Variants in NT5DC3 observed in about 807,000 individuals in gnomAD.
NT5DC3 encodes the protein 5'-nucleotidase domain-containing protein 3.
Under a neutral mutation model 67.8 loss-of-function variants are expected in NT5DC3, and 42 were observed. The ratio of observed to expected loss-of-function variants is 0.62; its 90% CI spans 0.48 to 0.80. The LOEUF (loss-of-function observed/expected upper bound fraction) is 0.80, where lower values mean the gene tolerates loss of function less well. Among genes scored for constraint, NT5DC3 ranks in the 30% least tolerant of loss-of-function variants. The pLI is 0.00. For missense variants in NT5DC3, 570 were observed against 696.4 expected (o/e 0.82, Z 2.04); for synonymous variants, 237 against 255.6 (o/e 0.93, Z 0.69).
chr12:103,808,761 G>A (rs1206298681), intron 2 of NT5DC3, among the ~76,000 whole-genome samples: 1 of 152,170 alleles, frequency 6.6e-6, no homozygotes, highest in Non-Finnish European at 1.5e-5. Context: ...TTACTGAAGA[G>A]GGGCCAAGGG....
In NT5DC3 at chr12:103,841,202, G is replaced by C. The variant is rs192968410; in HGVS notation, c.-46C>G. The C allele has an allele frequency of 6.9e-3, 3,900 of 568,724 alleles. 23 individuals carry two copies. The highest frequency in any genetic ancestry group is 0.01 in the Admixed American group (319 of 31,026). 35.2% of individuals were successfully genotyped at this position (568,724 alleles called of 1,614,324 possible). A position where few individuals can be genotyped will look rare whatever the true frequency, so the allele number is the denominator to read the frequency against. Reference sequence around the variant, plus strand: ...ACCGCCGCCGCGCCGCTCTGCGACTGCTGCTGCCCGGCCCAAGATCTACCC... The same window carrying C: ...ACCGCCGCCGCGCCGCTCTGCGACTCCTGCTGCCCGGCCCAAGATCTACCC... On this transcript the variant is annotated 5_prime_UTR_variant, in exon 1 of 14. Coordinates refer to ENST00000392876, the MANE Select transcript of NT5DC3 (RefSeq NM_001031701.3).
downstream of NT5DC3, chr12:103,770,770 G>C (rs1261621797): frequency 6.6e-6 from 1 of 152,240 alleles, no homozygotes; most frequent in Non-Finnish European, 1.5e-5. Context: ...GCTATGGTCT[G>C]AATGTTTGTG....
At chr12:103,783,684 T>C (rs1325447933) in intron 12 of NT5DC3, among the ~76,000 whole-genome samples, 1 of 151,832 alleles carries the variant, frequency 6.6e-6, no homozygotes, top group Non-Finnish European at 1.5e-5. Flanking sequence ...CTCATATAAT[T>C]AATTTTACAA....
chr12:103,787,258 TA>T (rs60157729), intron 11 of NT5DC3, among the ~76,000 whole-genome samples, 182 bp downstream of exon 11: 19,053 of 143,362 alleles, frequency 0.13, 1,619 homozygotes, highest in East Asian at 0.44. Context: ...CCTGTTCTGT[TA>T]AAAAAAAAAA....
intron 12 of NT5DC3, among the ~76,000 whole-genome samples, chr12:103,784,281 C>CCTCATCAGAGGATT (rs1275609124): frequency 6.6e-6 from 1 of 152,190 alleles, no homozygotes; most frequent in Non-Finnish European, 1.5e-5. Context: ...CAGAATAAAT[C>CCTCATCAGAGGATT]CTCATCAGAG....
chr12:103,801,686 G>A lies in NT5DC3; in HGVS notation c.525-3009C>T, dbSNP rs533175649. On this transcript the variant is annotated intron_variant, in intron 4 of 13. Coordinates refer to ENST00000392876, the MANE Select transcript of NT5DC3 (RefSeq NM_001031701.3). ...ACGAGCCACAGTGCCCAGACAGGCT[G>A]GCATTTTTTTTAAATGTATTTAACA... 1.1e-4 allele frequency among the ~76,000 whole-genome samples: 17 copies of A among 152,136 alleles called. No individual in the cohort carries two copies. In the South Asian group the frequency reaches 3.5e-3, roughly 32 times the overall value.
chr12:103,755,722 T>C, the NT5DC3 span: 6 of 1,614,066 alleles, frequency 3.7e-6, no homozygotes, highest in Non-Finnish European at 5.1e-6. Flanking sequence ...CCTGACGGTA[T>C]GTACCATGTC....
intron 12 of NT5DC3, among the ~76,000 whole-genome samples, chr12:103,781,354 G>C (rs1410008107): frequency 6.6e-6 from 1 of 152,238 alleles, no homozygotes; most frequent in Non-Finnish European, 1.5e-5. Context: ...TGAGGCTGTT[G>C]AAGGGACATG....
intron 1 of NT5DC3, among the ~76,000 whole-genome samples, chr12:103,816,981 T>TTTTG (rs57779726): frequency 4.0e-5 from 6 of 148,798 alleles, no homozygotes; most frequent in Non-Finnish European, 8.9e-5. Flanking sequence ...TTTTTTTTTT[T>TTTTG]GCTTTCATGG....
chr12:103,801,653 T>C (rs1038743059), intron 4 of NT5DC3, among the ~76,000 whole-genome samples: 34 of 152,092 alleles, frequency 2.2e-4, no homozygotes, highest in Non-Finnish European at 3.7e-4. Context: ...AGTGCTGGGA[T>C]TACAGGCACG....
chr12:103,756,423 A>C, the NT5DC3 span, among the ~76,000 whole-genome samples: 2 of 152,210 alleles, frequency 1.3e-5, no homozygotes, highest in Non-Finnish European at 2.9e-5. Flanking sequence ...CTTTGCCTTG[A>C]CCACCATTGT....
the NT5DC3 span, among the ~76,000 whole-genome samples, chr12:103,757,273 A>G: frequency 6.6e-6 from 1 of 151,350 alleles, no homozygotes; most frequent in Admixed American, 6.6e-5. Context: ...CTTTTTGTAG[A>G]GATGGACTCT....
At chr12:103,753,144 T>C in the NT5DC3 span, 1 of 1,571,868 alleles carries the variant, frequency 6.4e-7, no homozygotes, top group Non-Finnish European at 8.7e-7. Flanking sequence ...ATTTTGAAAG[T>C]CCTTCAGAGT....
intron 2 of NT5DC3, among the ~76,000 whole-genome samples, chr12:103,812,238 T>C (rs952184739): frequency 6.6e-6 from 1 of 152,224 alleles, no homozygotes; most frequent in Non-Finnish European, 1.5e-5. Context: ...TCAAAAGCGA[T>C]GTCTTTCCAT....
chr12:103,761,518 A>T, the NT5DC3 span: 5 of 985,582 alleles, frequency 5.1e-6, no homozygotes, highest in South Asian at 1.5e-5. Flanking sequence ...TCCTCCAGAG[A>T]CTGGAGGAGC....
intron 1 of NT5DC3, among the ~76,000 whole-genome samples, chr12:103,837,311 G>T (rs904797755): frequency 6.6e-6 from 1 of 152,152 alleles, no homozygotes; most frequent in Admixed American, 6.5e-5. Flanking sequence ...GCATGTAATG[G>T]GAAAGACTGC....
At chr12:103,779,975 T>C (rs1885481627) in intron 13 of NT5DC3, among the ~76,000 whole-genome samples, 1 of 152,124 alleles carries the variant, frequency 6.6e-6, no homozygotes, top group Non-Finnish European at 1.5e-5. Context: ...GCTGCCAGCA[T>C]TATTAACAAC....
downstream of NT5DC3, among the ~76,000 whole-genome samples, chr12:103,769,115 C>A (rs538874971): frequency 2.0e-5 from 3 of 152,108 alleles, no homozygotes; most frequent in African/African-American, 7.2e-5. Flanking sequence ...GCCCTTCCCC[C>A]CAACACACAC....
intron 10 of NT5DC3, 60 bp from the exon 11 acceptor site, chr12:103,787,587 G>A: frequency 1.1e-6 from 1 of 939,098 alleles, no homozygotes; most frequent in South Asian, 1.8e-5. Flanking sequence ...CTAACCCACA[G>A]TACAAAATAT....
Sources: allele counts gnomAD v4.1 joint callset (sites outside exome capture counted in the v4.1 genomes callset), GRCh38; gene constraint gnomAD v4.1.1; transcripts MANE v1.5; gene names NCBI Gene and HGNC (gene_info 2026-07-23, HGNC 2026-07-21).